The following ARB2A variants were observed in gnomAD, a reference collection of about 807,000 sequenced individuals.
ARB2A encodes the protein cotranscriptional regulator ARB2A.
the ARB2A span, among the ~76,000 whole-genome samples, chr5:93,956,286 G>A: frequency 6.6e-6 from 1 of 152,124 alleles, no homozygotes; most frequent in African/African-American, 2.4e-5. Flanking sequence ...TTGTGGGAGT[G>A]GTTCCAATAT....
the ARB2A span, among the ~76,000 whole-genome samples, chr5:94,083,830 A>G: frequency 6.6e-6 from 1 of 152,282 alleles, no homozygotes; most frequent in Admixed American, 6.5e-5. Flanking sequence ...CTCTAAAAAA[A>G]AAAAAACAAG....
chr5:93,640,860 C>T, the ARB2A span, among the ~76,000 whole-genome samples: 1 of 151,844 alleles, frequency 6.6e-6, no homozygotes, highest in African/African-American at 2.4e-5. Context: ...AACATTATTT[C>T]CTACTTCTTT....
At chr5:93,661,013 G>A in the ARB2A span, among the ~76,000 whole-genome samples, 2 of 152,066 alleles carry the variant, frequency 1.3e-5, no homozygotes, top group South Asian at 4.1e-4. Flanking sequence ...TTCCTATAGG[G>A]TTAAGGCACT....
chr5:93,750,785 G>A, the ARB2A span, among the ~76,000 whole-genome samples: 1 of 151,828 alleles, frequency 6.6e-6, no homozygotes, highest in Non-Finnish European at 1.5e-5. Context: ...TTTGCCTCCC[G>A]AAGTGCTATG....
the ARB2A span, among the ~76,000 whole-genome samples, chr5:93,947,167 A>T: frequency 6.6e-6 from 1 of 152,152 alleles, no homozygotes; most frequent in Non-Finnish European, 1.5e-5. Flanking sequence ...GTAGGGATTT[A>T]TTCTAGGTTG....
the ARB2A span, among the ~76,000 whole-genome samples, chr5:94,012,565 G>A: frequency 3.3e-5 from 5 of 152,158 alleles, no homozygotes; most frequent in South Asian, 2.1e-4. Flanking sequence ...TGAGTTGTCC[G>A]CACTGTGCTG....
the ARB2A span, among the ~76,000 whole-genome samples, chr5:93,916,541 G>C: frequency 6.6e-6 from 1 of 152,118 alleles, no homozygotes; most frequent in East Asian, 1.9e-4. Flanking sequence ...AGTGTGGTGT[G>C]AGGCAAAAGT....
the ARB2A span, among the ~76,000 whole-genome samples, chr5:93,871,563 A>G: frequency 6.6e-6 from 1 of 152,214 alleles, no homozygotes; most frequent in Non-Finnish European, 1.5e-5. Flanking sequence ...CCTCAAAAAC[A>G]TCAATGAAGA....
the ARB2A span, among the ~76,000 whole-genome samples, chr5:93,900,534 A>T: frequency 6.6e-6 from 1 of 151,798 alleles, no homozygotes; most frequent in African/African-American, 2.4e-5. Flanking sequence ...GAATCGCTTG[A>T]ACCCATGAGG....
chr5:94,020,318 T>C, the ARB2A span, among the ~76,000 whole-genome samples: 1 of 152,030 alleles, frequency 6.6e-6, no homozygotes, highest in Admixed American at 6.6e-5. Flanking sequence ...GAGAAATAAC[T>C]AATGCAGATG....
the ARB2A span, among the ~76,000 whole-genome samples, chr5:93,967,699 G>A: frequency 6.6e-6 from 1 of 152,124 alleles, no homozygotes; most frequent in South Asian, 2.1e-4. Context: ...AGGGGAAGGG[G>A]AAAAGTAACC....
At chr5:93,835,590 G>A in the ARB2A span, among the ~76,000 whole-genome samples, 4 of 152,146 alleles carry the variant, frequency 2.6e-5, no homozygotes, top group Non-Finnish European at 5.9e-5. Flanking sequence ...AAATCTTTCT[G>A]TGATTATACT....
At chr5:93,733,080 A>AC in the ARB2A span, 4 of 152,012 alleles carry the variant, frequency 2.6e-5, no homozygotes, top group Non-Finnish European at 5.9e-5. Context: ...TATTTACTTA[A>AC]CCCTTTGTTA....
At chr5:94,021,641 G>A in the ARB2A span, among the ~76,000 whole-genome samples, 1 of 152,176 alleles carries the variant, frequency 6.6e-6, no homozygotes, top group South Asian at 2.1e-4. Context: ...TGGACAATAA[G>A]AAACTGGACT....
chr5:93,830,561 A>T, the ARB2A span, among the ~76,000 whole-genome samples: 1 of 151,732 alleles, frequency 6.6e-6, no homozygotes, highest in Non-Finnish European at 1.5e-5. Flanking sequence ...TTATAAATCC[A>T]TACTATCTGA....
chr5:93,936,766 A>G, the ARB2A span, among the ~76,000 whole-genome samples: 1 of 152,104 alleles, frequency 6.6e-6, no homozygotes, highest in African/African-American at 2.4e-5. Flanking sequence ...GAAGCTGCAA[A>G]AGAGAAATGT....
chr5:94,101,759 A>C, the ARB2A span, among the ~76,000 whole-genome samples: 9 of 152,098 alleles, frequency 5.9e-5, no homozygotes, highest in African/African-American at 1.9e-4. Context: ...CATGAACATA[A>C]AGAAAGGAAC....
At chr5:93,994,809 G>A in the ARB2A span, among the ~76,000 whole-genome samples, 1 of 152,024 alleles carries the variant, frequency 6.6e-6, no homozygotes, top group Non-Finnish European at 1.5e-5. Context: ...AAGAGGCTGA[G>A]GCAGGAGAAC....
chr5:93,872,928 A>G, the ARB2A span, among the ~76,000 whole-genome samples: 1 of 151,852 alleles, frequency 6.6e-6, no homozygotes, highest in African/African-American at 2.4e-5. Context: ...AAAAAAAAAG[A>G]AAGAAAAAAA....
Sources: gnomAD v4.1 joint callset for allele counts (sites outside exome capture counted in the v4.1 genomes callset) on GRCh38, gnomAD v4.1.1 for gene constraint, MANE v1.5 for transcripts, NCBI Gene and HGNC (gene_info 2026-07-23, HGNC 2026-07-21) for gene names.